SGCZ: variants seen among roughly 807,000 people sequenced by gnomAD.
SGCZ encodes the protein sarcoglycan zeta, also known as zeta-sarcoglycan.
A neutral mutation model predicts 41.3 loss-of-function variants in SGCZ; 40 were observed. That is an observed-to-expected ratio of 0.97 (90% CI 0.75 to 1.26). SGCZ has a LOEUF of 1.26. Among genes scored for constraint, SGCZ ranks in the 50% most tolerant of loss-of-function variants. The probability of loss-of-function intolerance (pLI) is 0.00; values close to 1 mark genes in which losing one functional copy is unlikely to be tolerated. For synonymous variants in SGCZ, 206 were observed against 137.5 expected (o/e 1.50, Z -3.49); for missense variants, 552 against 369.8 (o/e 1.49, Z -4.04).
intron 3 of SGCZ, among the ~76,000 whole-genome samples, chr8:14,284,932 T>C (rs1312018341): frequency 1.3e-5 from 2 of 152,210 alleles, no homozygotes; most frequent in South Asian, 4.1e-4. Context: ...TTTGTATGTC[T>C]AGCATTATTT....
chr8:14,235,628 C>A (rs777311539), intron 4 of SGCZ, among the ~76,000 whole-genome samples: 16 of 152,206 alleles, frequency 1.1e-4, no homozygotes, highest in Admixed American at 2.6e-4. Flanking sequence ...GCTCTATAGG[C>A]GGGCATTAAG....
In SGCZ at chr8:14,622,532, T is replaced by A. The variant is rs1055574566; in HGVS notation, c.40-67606A>T. 2.0e-5 allele frequency among the ~76,000 whole-genome samples: 3 copies of A among 152,234 alleles called. No individual in the cohort carries two copies. The South Asian group carries it at 6.2e-4, about 31-fold the overall frequency. On this transcript the variant is annotated intron_variant, in intron 1 of 7. Coordinates refer to ENST00000382080, the MANE Select transcript of SGCZ (RefSeq NM_139167.4). ...CAAAAAACAAGAACTAGATGTCACCTGAAAGAGTGTTGCTGTTTATGATTT... is the reference window on the plus strand; with the variant it reads ...CAAAAAACAAGAACTAGATGTCACCAGAAAGAGTGTTGCTGTTTATGATTT...
At chr8:14,260,233 C>A (rs1408695535) in intron 3 of SGCZ, among the ~76,000 whole-genome samples, 2 of 151,926 alleles carry the variant, frequency 1.3e-5, no homozygotes, top group African/African-American at 4.8e-5. Context: ...CTACAATGAA[C>A]TCAAACAAAT....
At chr8:14,217,560 C>CA (rs1364352539) in intron 4 of SGCZ, among the ~76,000 whole-genome samples, 2 of 128,246 alleles carry the variant, frequency 1.6e-5, no homozygotes, top group East Asian at 2.2e-4. Context: ...ACCTCATAAA[C>CA]AAAAAAAGCA....
At chr8:14,835,249 A>C (rs1377664867) in intron 1 of SGCZ, among the ~76,000 whole-genome samples, 1 of 152,186 alleles carries the variant, frequency 6.6e-6, no homozygotes, top group African/African-American at 2.4e-5. Context: ...AGGCACCTGA[A>C]ATATTTTCAT....
At chr8:14,464,927 T>C (rs150457727) in intron 2 of SGCZ, among the ~76,000 whole-genome samples, 1,913 of 151,768 alleles carry the variant, frequency 0.013, 48 homozygotes, top group African/African-American at 0.043. Context: ...TTAATGCCAT[T>C]GTGGTTGGAT....
intron 1 of SGCZ, among the ~76,000 whole-genome samples, chr8:14,896,658 G>C (rs898408952): frequency 6.6e-6 from 1 of 151,698 alleles, no homozygotes; most frequent in Middle Eastern, 3.4e-3. Flanking sequence ...CGTATTTTCA[G>C]GAGAGACGGG....
In SGCZ at chr8:14,312,101, C is replaced by T. The variant is rs569052971; in HGVS notation, c.336+12002G>A. Among the ~76,000 whole-genome samples, 4 of 152,174 alleles carry T rather than the reference C, an allele frequency of 2.6e-5. No individual in the cohort carries two copies. The East Asian group carries it at 7.7e-4, about 29-fold the overall frequency. Reference sequence around the variant, plus strand: ...CTGTTGATGAAACATATCAAAGGGTCATGAAATCATTTAGTTGGTTGCAAC... The same window carrying T: ...CTGTTGATGAAACATATCAAAGGGTTATGAAATCATTTAGTTGGTTGCAAC... On this transcript the variant is annotated intron_variant, in intron 3 of 7. Coordinates refer to ENST00000382080, the MANE Select transcript of SGCZ (RefSeq NM_139167.4).
At chr8:14,977,942 GTTTA>G (rs968803557) in intron 1 of SGCZ, among the ~76,000 whole-genome samples, 3 of 150,586 alleles carry the variant, frequency 2.0e-5, no homozygotes, top group Non-Finnish European at 4.4e-5. Context: ...TCTAAATATT[GTTTA>G]TTTTTTTCAA....
intron 1 of SGCZ, among the ~76,000 whole-genome samples, chr8:14,579,320 C>G (rs1341533802): frequency 6.6e-6 from 1 of 152,162 alleles, no homozygotes; most frequent in Non-Finnish European, 1.5e-5. Context: ...TGAAATAGCA[C>G]ATGAATGTAA....
chr8:14,455,455 TACACAC>T (rs5889534), intron 2 of SGCZ, among the ~76,000 whole-genome samples: 14,041 of 144,348 alleles, frequency 0.097, 746 homozygotes, highest in Middle Eastern at 0.15. Flanking sequence ...TTTGCATGCA[TACACAC>T]ACACACACAC....
chr8:14,829,213 G>A (rs115351095), intron 1 of SGCZ, among the ~76,000 whole-genome samples: 2 of 143,334 alleles, frequency 1.4e-5, no homozygotes, highest in Admixed American at 6.7e-5. Context: ...ACTCTGATAG[G>A]CCCCAGTGCA....
intron 1 of SGCZ, among the ~76,000 whole-genome samples, chr8:14,710,730 A>G (rs576250739): frequency 6.6e-6 from 1 of 152,306 alleles, no homozygotes; most frequent in East Asian, 1.9e-4. Context: ...ACCTACTTTT[A>G]TAGAACCAAA....
At chr8:14,778,814 A>T (rs1486208373) in intron 1 of SGCZ, among the ~76,000 whole-genome samples, 1 of 152,218 alleles carries the variant, frequency 6.6e-6, no homozygotes, top group African/African-American at 2.4e-5. Context: ...AAGAAAGAAG[A>T]TCAACAATCC....
rs1429655079 is a variant in SGCZ at position 14,085,856 on chromosome 8, T to C, written c.*4587A>G. 6.6e-6 allele frequency among the ~76,000 whole-genome samples: 1 copy of C among 151,774 alleles called. No individual in the cohort carries two copies. Among genetic ancestry groups the C allele is most frequent in the Non-Finnish European group, 1.5e-5 (1 of 67,810 alleles). ...CATGTTATAATTATAAGCCCCCCTA[T>C]TCATTTGAATAAATTAGTAGGAGCA... On this transcript the variant is annotated 3_prime_UTR_variant, in exon 8 of 8. Coordinates refer to ENST00000382080, the MANE Select transcript of SGCZ (RefSeq NM_139167.4).
chr8:14,933,576 C>T (rs931308292), intron 1 of SGCZ, among the ~76,000 whole-genome samples: 37 of 151,760 alleles, frequency 2.4e-4, no homozygotes, highest in Admixed American at 1.6e-3. Context: ...GGACTACAGG[C>T]GCCTGCCACC....
At chr8:14,409,299 G>A (rs1374320859) in intron 2 of SGCZ, among the ~76,000 whole-genome samples, 1 of 152,080 alleles carries the variant, frequency 6.6e-6, no homozygotes, top group Non-Finnish European at 1.5e-5. Context: ...TCACATGTAT[G>A]TATAGGAGGG....
chr8:14,815,396 C>G (rs931844210), intron 1 of SGCZ, among the ~76,000 whole-genome samples: 1 of 131,382 alleles, frequency 7.6e-6, no homozygotes, highest in Non-Finnish European at 1.6e-5. Context: ...TTTTTTTTTG[C>G]ATGTGGTTCA....
chr8:14,469,508 TA>T (rs1801148869), intron 2 of SGCZ, among the ~76,000 whole-genome samples: 2 of 152,066 alleles, frequency 1.3e-5, no homozygotes, highest in Non-Finnish European at 1.5e-5. Flanking sequence ...TGTGGCATTA[TA>T]AAATGCATTT....
Sources: allele counts gnomAD v4.1 joint callset (sites outside exome capture counted in the v4.1 genomes callset), GRCh38; gene constraint gnomAD v4.1.1; transcripts MANE v1.5; gene names NCBI Gene and HGNC (gene_info 2026-07-23, HGNC 2026-07-21).